Variants in CLCN6 observed in about 807,000 individuals in gnomAD.
CLCN6 encodes H(+)/Cl(-) exchange transporter 6.
Under a neutral mutation model 109.8 loss-of-function variants are expected in CLCN6, and 70 were observed. That is an observed-to-expected ratio of 0.64 (90% CI 0.53 to 0.78). The LOEUF (loss-of-function observed/expected upper bound fraction) is 0.78, where lower values mean the gene tolerates loss of function less well. Among genes scored for constraint, CLCN6 ranks in the 30% least tolerant of loss-of-function variants. The pLI is 0.00. For synonymous variants in CLCN6, 444 were observed against 447.8 expected (o/e 0.99, Z 0.11); for missense variants, 984 against 1,142.3 (o/e 0.86, Z 2.00).
intron 22 of CLCN6, 102 bp downstream of exon 22, chr1:11,838,762 C>A: frequency 6.5e-7 from 1 of 1,538,688 alleles, no homozygotes; most frequent in Non-Finnish European, 9.0e-7. Flanking sequence ...GGCATCCCAC[C>A]AGGAGGGGAG....
Position 11,834,792 on chromosome 1 carries a change from G to A in CLCN6, c.1793+202G>A, listed in dbSNP as rs1218104524. ...GGGCAGGGCAGGGGACACGGGCACT[G>A]TGGGACTGCAGTGGGCAGGGCCTCT... On this transcript the variant is annotated intron_variant, in intron 17 of 22. Coordinates refer to ENST00000346436, the MANE Select transcript of CLCN6 (RefSeq NM_001286.5). This position sits in a 1 kb window ranked among gnomAD's most constrained non-coding sequence, Gnocchi z 4.5. 6.6e-6 allele frequency among the ~76,000 whole-genome samples: 1 copy of A among 152,178 alleles called. No individual in the cohort carries two copies. The highest frequency in any genetic ancestry group is 2.4e-5 in the African/African-American group (1 of 41,454).
At chr1:11,814,514 C>T (rs953853812) in intron 2 of CLCN6, among the ~76,000 whole-genome samples, 1 of 151,982 alleles carries the variant, frequency 6.6e-6, no homozygotes, top group Non-Finnish European at 1.5e-5. Context: ...TCCCAAAGTG[C>T]TGGGATTACA....
intron 2 of CLCN6, among the ~76,000 whole-genome samples, chr1:11,812,822 G>A (rs938066994): frequency 6.6e-5 from 10 of 151,866 alleles, no homozygotes; most frequent in East Asian, 3.9e-4. Context: ...CTTCTCTGCC[G>A]TTCCCTTATC....
intron 2 of CLCN6, 97 bp downstream of exon 2, chr1:11,807,287 C>A: frequency 9.1e-7 from 1 of 1,095,246 alleles, no homozygotes; most frequent in Non-Finnish European, 1.4e-6. Context: ...TGCTCTTTGA[C>A]CTTCTGTCCC....
In CLCN6 at chr1:11,817,456, G is replaced by T. The variant is rs566656908; in HGVS notation, c.279+776G>T. On this transcript the variant is annotated intron_variant, in intron 4 of 22. Coordinates refer to ENST00000346436, the MANE Select transcript of CLCN6 (RefSeq NM_001286.5). ...CAGCTGTGAGTGAAGGGATATGCCC[G>T]TATGAACAGAGTTGGTGGAGGCAGC... Among the ~76,000 whole-genome samples the T allele has an allele frequency of 5.5e-4, 84 of 152,316 alleles. 2 individuals carry two copies. The highest frequency in any genetic ancestry group is 1.9e-3 in the African/African-American group (79 of 41,572).
In CLCN6 at chr1:11,834,561, G is replaced by T. The variant is rs1644921540; in HGVS notation, c.1764G>T (p.Leu588=). The part of the protein sequence containing the change: ...IHVGLRGVPL[L]EWETEVEMDK... Reference sequence around the variant, plus strand: ...TGGGCCTGCGAGGCGTGCCGCTTCTGGAATGGGAGACAGAGGTGGAAATGG... The same window carrying T: ...TGGGCCTGCGAGGCGTGCCGCTTCTTGAATGGGAGACAGAGGTGGAAATGG... The change falls in exon 17 of 23, where the codon CTG becomes CTT. Residue 588 remains leucine, a synonymous_variant. Transcript: ENST00000346436. The surrounding 1 kb of genome is among the most constrained non-coding windows in gnomAD (Gnocchi z 4.5). The T allele has an allele frequency of 6.2e-7, 1 of 1,613,972 alleles. No homozygotes were observed. Among genetic ancestry groups the T allele is most frequent in the Non-Finnish European group, 8.5e-7 (1 of 1,180,028 alleles).
At chr1:11,826,297 C>T (rs564054334) in intron 9 of CLCN6, 83 bp downstream of exon 9, 1 of 1,157,160 alleles carries the variant, frequency 8.6e-7, no homozygotes, top group East Asian at 2.3e-5. Flanking sequence ...TTGCTCTAGC[C>T]TGGCAGTATC....
At chr1:11,806,736 A>C (rs904563574) in intron 1 of CLCN6, 4 of 350,090 alleles carry the variant, frequency 1.1e-5, no homozygotes, top group African/African-American at 6.3e-5. Flanking sequence ...TTTCTGGGTC[A>C]CTGACAGTCC....
chr1:11,841,712 G>A lies in CLCN6; in HGVS notation c.*1489G>A, dbSNP rs771268144. ...TTGGCCAAGTCTGCCTTTCACCCTGGGGTGAGCATCAGTCCTGGCTCTGCT... is the reference window on the plus strand; with the variant it reads ...TTGGCCAAGTCTGCCTTTCACCCTGAGGTGAGCATCAGTCCTGGCTCTGCT... On this transcript the variant is annotated 3_prime_UTR_variant, in exon 23 of 23. Coordinates refer to ENST00000346436, the MANE Select transcript of CLCN6 (RefSeq NM_001286.5). The A allele has an allele frequency of 6.6e-6, 1 of 152,236 alleles. No homozygotes were observed. The highest frequency in any genetic ancestry group is 1.5e-5 in the Non-Finnish European group (1 of 68,070). 9.4% of individuals were successfully genotyped at this position (152,236 alleles called of 1,614,324 possible).
chr1:11,830,737 TTATATATATATA>T (rs369772847), intron 13 of CLCN6, among the ~76,000 whole-genome samples: 5,403 of 91,108 alleles, frequency 0.059, 170 homozygotes, highest in Middle Eastern at 0.14. Context: ...TATGTATATA[TTATATATATATA>T]TATATATATA....
rs150497601 is a variant in CLCN6, at chr1:11,838,349, G to A, written c.2310G>A (p.Pro770=). The part of the protein sequence containing the change: ...YSESQSSASQ[P]RLSYAEMAED... ...TGGAATTGCAGAGCGCCAGCCAGCC[G>A]CGCCTCTCCTATGCCGAGATGGCCG... Residue 770 remains proline, a synonymous_variant, in exon 21 of 23, where the codon CCG becomes CCA. Coordinates refer to ENST00000346436, the MANE Select transcript of CLCN6 (RefSeq NM_001286.5). 25 of 1,613,736 alleles carry A rather than the reference G, an allele frequency of 1.5e-5. No individual in the cohort carries two copies. Among genetic ancestry groups the A allele is most frequent in the Middle Eastern group, 1.6e-4 (1 of 6,080 alleles).
At chr1:11,830,145 C>T (rs1196792388) in intron 13 of CLCN6, 2 of 152,238 alleles carry the variant, frequency 1.3e-5, no homozygotes, top group Non-Finnish European at 2.9e-5. Flanking sequence ...GGAGTGGTCC[C>T]ATGAGGTAGT....
In CLCN6 at chr1:11,833,942, TA is replaced by T; in HGVS notation, c.1439del (p.Tyr480SerfsTer23). 6.2e-7 allele frequency: 1 copy of T among 1,614,088 alleles called. No individual in the cohort carries two copies. Among genetic ancestry groups the T allele is most frequent in the Non-Finnish European group, 8.5e-7 (1 of 1,180,012 alleles). On this transcript the variant is annotated frameshift_variant, in exon 15 of 23. Transcript: ENST00000346436. LOFTEE classifies it high-confidence loss of function. ...VLYFLLACWTYGISVPSGLFV... is the reference protein window; with the variant it reads ...VLYFLLACWTXGISVPSGLFV... ...CTATTTCTTGCTTGCATGTTGGACT[TA>T]CGGCATTTCTGTTCCAAGTGGCCTT...
chr1:11,820,443 A>C, intron 5 of CLCN6: 1 of 711,134 alleles, frequency 1.4e-6, no homozygotes. Context: ...ATAATTTCTT[A>C]AAACTCCAGA....
At chr1:11,808,147 C>A (rs574112765) in intron 2 of CLCN6, among the ~76,000 whole-genome samples, 6 of 151,972 alleles carry the variant, frequency 3.9e-5, no homozygotes, top group African/African-American at 1.2e-4. Flanking sequence ...TAGCTCAAGC[C>A]CAGTCTTCTT....
chr1:11,808,205 T>C (rs1644546791), intron 2 of CLCN6, among the ~76,000 whole-genome samples: 1 of 149,346 alleles, frequency 6.7e-6, no homozygotes, highest in Non-Finnish European at 1.5e-5. Flanking sequence ...ATTATTATTT[T>C]TTATTGTATG....
rs1303363057 is a variant in CLCN6, at chr1:11,807,144, A to C, written c.101A>C (p.Glu34Ala). 1 of 1,614,092 alleles carries C rather than the reference A, an allele frequency of 6.2e-7. No individual in the cohort carries two copies. The highest frequency in any genetic ancestry group is 8.5e-7 in the Non-Finnish European group (1 of 1,180,036). Residue 34 changes from glutamate to alanine, a missense_variant, in exon 2 of 23, where the codon GAA becomes GCA. Physicochemically the swap from Glu to Ala is moderately radical, Grantham distance 107. Transcript: ENST00000346436. ...RTPEELTILG[E>A]TQEEEDEILP... ...CTGTTTTTCTAGACCATCCTTGGAG[A>C]AACACAGGAGGAGGAGGATGAGATT...
intron 2 of CLCN6, among the ~76,000 whole-genome samples, chr1:11,808,459 C>A (rs1175859853): frequency 6.6e-6 from 1 of 152,146 alleles, no homozygotes; most frequent in African/African-American, 2.4e-5. Flanking sequence ...ATTCTATATG[C>A]ATCTCTAATG....
chr1:11,837,511 C>A lies in CLCN6; in HGVS notation c.2295+12C>A. 2 of 1,610,928 alleles carry A rather than the reference C, an allele frequency of 1.2e-6. No individual in the cohort carries two copies. Among genetic ancestry groups the A allele is most frequent in the Non-Finnish European group, 1.7e-6 (2 of 1,177,462 alleles). ...CTGAAAGCCAGTCGGTAAGTCTCTCCGAGGCAGAAATCAGCCAGGCCAGAC... is the reference window on the plus strand; with the variant it reads ...CTGAAAGCCAGTCGGTAAGTCTCTCAGAGGCAGAAATCAGCCAGGCCAGAC... On this transcript the variant is annotated intron_variant, in intron 20 of 22. Coordinates refer to ENST00000346436, the MANE Select transcript of CLCN6 (RefSeq NM_001286.5).
Sources: allele counts gnomAD v4.1 joint callset (sites outside exome capture counted in the v4.1 genomes callset), GRCh38; gene constraint gnomAD v4.1.1; non-coding constraint Gnocchi (gnomAD v3.1); transcripts MANE v1.5; gene names NCBI Gene and HGNC (gene_info 2026-07-23, HGNC 2026-07-21).